Variants in ZNF354C observed in about 807,000 individuals in gnomAD.
ZNF354C encodes zinc finger protein 354C.
ZNF354C carries 7 observed loss-of-function variants against 12.4 expected under a neutral mutation model. The ratio of observed to expected loss-of-function variants is 0.56; its 90% CI spans 0.32 to 1.06. ZNF354C has a LOEUF of 1.06. ZNF354C is among the 50% of genes least tolerant of loss of function. ZNF354C has a pLI of 0.04. For synonymous variants in ZNF354C, 202 were observed against 224.5 expected (o/e 0.90, Z 0.90); for missense variants, 609 against 658.0 (o/e 0.93, Z 0.81).
chr5:179,062,189 T>C, intron 2 of ZNF354C, 94 bp downstream of exon 2: 1 of 1,542,012 alleles, frequency 6.5e-7, no homozygotes, highest in Middle Eastern at 1.7e-4. Flanking sequence ...TACTTTTTGG[T>C]CCAACCAAAA....
rs1189502062 is a variant in ZNF354C at position 179,078,745 on chromosome 5, A to G, written c.313A>G (p.Thr105Ala). The change falls in exon 5 of 5, where the codon ACA becomes GCA. Residue 105 changes from threonine (T) to alanine (A), a missense_variant. Thr to Ala is a moderately conservative substitution (Grantham distance 58). Transcript: ENST00000315475. Reference sequence around the variant, plus strand: ...TAGACAGGACATTTTTATAGAAGAAACATCTCAGGGAATGGTAAAGAAAGA... The same window carrying G: ...TAGACAGGACATTTTTATAGAAGAAGCATCTCAGGGAATGGTAAAGAAAGA... The part of the protein sequence containing the change: ...PHRQDIFIEE[T>A]SQGMVKKESI... 6.8e-6 allele frequency: 11 copies of G among 1,612,738 alleles called. No homozygotes were observed. In the Admixed American group the frequency reaches 1.3e-4, roughly 20 times the overall value.
At position 179,079,365 on chromosome 5, in the gene ZNF354C, G is replaced by A. The variant is rs199533630; in HGVS notation, c.933G>A (p.Gln311=). 1.5e-5 allele frequency: 24 copies of A among 1,614,102 alleles called. No homozygotes were observed. Among genetic ancestry groups the A allele is most frequent in the Middle Eastern group, 1.6e-4 (1 of 6,062 alleles). The change falls in exon 5 of 5, where the codon CAG becomes CAA. Residue 311 remains glutamine (Q), a synonymous_variant. Transcript: ENST00000315475. The surrounding 1 kb of genome is among the most constrained non-coding windows in gnomAD (Gnocchi z 4.2). ...RCRECGKAFS[Q]CSTLTVHQRI... ...GGGAATGTGGTAAAGCCTTTAGCCA[G>A]TGTTCAACCCTCACTGTACATCAGA...
At position 179,064,456 on chromosome 5, in the gene ZNF354C, G is replaced by A. The variant is rs1048684689; in HGVS notation, c.27+2361G>A. Reference sequence around the variant, plus strand: ...TTTGGAGACAGAGTCTTGCTCAGTCGCCCAGGCTGGAGTGCAGTGGCGCCA... The same window carrying A: ...TTTGGAGACAGAGTCTTGCTCAGTCACCCAGGCTGGAGTGCAGTGGCGCCA... On this transcript the variant is annotated intron_variant, in intron 2 of 4. Transcript: ENST00000315475. 4.0e-5 allele frequency among the ~76,000 whole-genome samples: 6 copies of A among 151,066 alleles called. 1 individual carries two copies. Among genetic ancestry groups the A allele is most frequent in the African/African-American group, 1.5e-4 (6 of 41,008 alleles).
rs1443789719 is a variant in ZNF354C at position 179,079,297 on chromosome 5, A to G, written c.865A>G (p.Lys289Glu). Reference protein sequence around the residue: ...KAFSNSSTLIKHLRVHTGEKP... With the variant: ...KAFSNSSTLIEHLRVHTGEKP... ...ATTTAGCAACAGTTCAACCCTTATC[A>G]AACATCTGAGAGTGCATACTGGAGA... The change falls in exon 5 of 5, where the codon AAA (lysine) becomes GAA (glutamate). Residue 289 changes from lysine to glutamate, a missense_variant. Coordinates refer to ENST00000315475, the MANE Select transcript of ZNF354C (RefSeq NM_014594.3). This position sits in a 1 kb window ranked among gnomAD's most constrained non-coding sequence, Gnocchi z 4.2. 1 of 1,614,072 alleles carries G rather than the reference A, an allele frequency of 6.2e-7. No individual in the cohort carries two copies. The highest frequency in any genetic ancestry group is 8.5e-7 in the Non-Finnish European group (1 of 1,180,044).
chr5:179,070,841 CTTTTTT>C (rs766817856), intron 2 of ZNF354C, among the ~76,000 whole-genome samples: 19 of 75,440 alleles, frequency 2.5e-4, no homozygotes, highest in South Asian at 1.1e-3. Context: ...CTTGATCGCT[CTTTTTT>C]TTTTTTTTTT....
In ZNF354C at chr5:179,080,114, T is replaced by G. The variant is rs186823799; in HGVS notation, c.*17T>G. 2.5e-4 allele frequency: 380 copies of G among 1,502,018 alleles called. No homozygotes were observed. In the African/African-American group the frequency reaches 4.8e-3, roughly 19 times the overall value. The allele number at this position is 1,502,018 out of a possible 1,614,324, so 93.0% of individuals were successfully genotyped here. ...GAGGTTTAGTTCATCTCTCAAATAA[T>G]CCAAGACTTCTCACTGGGGAATAAG... On this transcript the variant is annotated 3_prime_UTR_variant, in exon 5 of 5. Coordinates refer to ENST00000315475, the MANE Select transcript of ZNF354C (RefSeq NM_014594.3).
chr5:179,079,829 A>T lies in ZNF354C; in HGVS notation c.1397A>T (p.Lys466Ile). Residue 466 changes from lysine (K) to isoleucine (I), a missense_variant, in exon 5 of 5, where the codon AAA becomes ATA. Physicochemically the swap from Lys to Ile is moderately radical, Grantham distance 102. Transcript: ENST00000315475. The surrounding 1 kb of genome is among the most constrained non-coding windows in gnomAD (Gnocchi z 4.2). ...CATCAGAGAATTCATACTGGAGAGA[A>T]ACCGTATCAGTGTAATCAGTGTGGA... is the stretch of plus-strand genomic sequence containing the variant. ...YRHQRIHTGEKPYQCNQCGKA... is the reference protein window; with the variant it reads ...YRHQRIHTGEIPYQCNQCGKA... 1 of 1,614,170 alleles carries T rather than the reference A, an allele frequency of 6.2e-7. No individual in the cohort carries two copies. The highest frequency in any genetic ancestry group is 8.5e-7 in the Non-Finnish European group (1 of 1,180,024).
In ZNF354C at chr5:179,077,065, G is replaced by T; in HGVS notation, c.155-6G>T. ...GTTCAAACTTCATTTGCTTCCTCAT[G>T]AGCAGGGATTCCATTTTCAATGCCA... is the stretch of plus-strand genomic sequence containing the variant. On this transcript the variant is annotated splice_polypyrimidine_tract_variant and splice_region_variant and intron_variant, in intron 3 of 4. Coordinates refer to ENST00000315475, the MANE Select transcript of ZNF354C (RefSeq NM_014594.3). The T allele has an allele frequency of 6.2e-7, 1 of 1,613,594 alleles. No homozygotes were observed. Among genetic ancestry groups the T allele is most frequent in the Non-Finnish European group, 8.5e-7 (1 of 1,179,622 alleles).
rs750758189 is a variant in ZNF354C, at chr5:179,078,872, T to C, written c.440T>C (p.Ile147Thr). 1.9e-6 allele frequency: 3 copies of C among 1,613,958 alleles called. No individual in the cohort carries two copies. The highest frequency in any genetic ancestry group is 2.5e-6 in the Non-Finnish European group (3 of 1,179,998). ...GAGAAGAAACCTCTTAGACAAATGA[T>C]AGATTCGCATGAGAAAACCATCAGT... ...EQEKKPLRQM[I>T]DSHEKTISED... The change falls in exon 5 of 5, where the codon ATA (isoleucine) becomes ACA (threonine). Residue 147 changes from isoleucine (I) to threonine (T), a missense_variant. Transcript: ENST00000315475.
chr5:179,078,836 A>G lies in ZNF354C; in HGVS notation c.404A>G (p.Glu135Gly). The G allele has an allele frequency of 6.2e-7, 1 of 1,614,116 alleles. No homozygotes were observed. The highest frequency in any genetic ancestry group is 1.3e-5 in the African/African-American group (1 of 75,060). The change falls in exon 5 of 5, where the codon GAA becomes GGA. Residue 135 changes from glutamate to glycine, a missense_variant. Glu to Gly is a moderately conservative substitution (Grantham distance 98). Coordinates refer to ENST00000315475, the MANE Select transcript of ZNF354C (RefSeq NM_014594.3). Reference sequence around the variant, plus strand: ...GCTGTGGAATTTGAGAGCGAGATAGAAGAAGAGCAAGAGAAGAAACCTCTT... The same window carrying G: ...GCTGTGGAATTTGAGAGCGAGATAGGAGAAGAGCAAGAGAAGAAACCTCTT... The part of the protein sequence containing the change: ...EEAVEFESEI[E>G]EEQEKKPLRQ...
At chr5:179,077,576 G>T (rs929616152) in intron 4 of ZNF354C, among the ~76,000 whole-genome samples, 6 of 151,888 alleles carry the variant, frequency 4.0e-5, no homozygotes, top group Admixed American at 1.3e-4. Flanking sequence ...CTTATTAGAA[G>T]AAATGAATAT....
intron 2 of ZNF354C, among the ~76,000 whole-genome samples, chr5:179,067,712 G>A (rs1761976351): frequency 6.6e-6 from 1 of 152,170 alleles, no homozygotes; most frequent in Non-Finnish European, 1.5e-5. Flanking sequence ...GCTGGGTGTG[G>A]TGGCGCACGC....
chr5:179,068,959 C>G (rs1415504589), intron 2 of ZNF354C, among the ~76,000 whole-genome samples: 1 of 152,220 alleles, frequency 6.6e-6, no homozygotes, highest in East Asian at 1.9e-4. Flanking sequence ...ATCTCCCCTT[C>G]TTAGAAGCAC....
At chr5:179,061,321 GGTTGGT>G (rs748826602) in intron 1 of ZNF354C, among the ~76,000 whole-genome samples, 16 of 152,188 alleles carry the variant, frequency 1.1e-4, no homozygotes, top group Non-Finnish European at 1.6e-4. Context: ...TCCCACCTGG[GGTTGGT>G]GTTTGGGCAG....
chr5:179,076,640 G>C (rs1035226010), intron 3 of ZNF354C, 69 bp downstream of exon 3: 1 of 1,579,048 alleles, frequency 6.3e-7, no homozygotes, highest in Non-Finnish European at 8.6e-7. Context: ...TTGGGGTTCC[G>C]AGCCTGTGGT....
Position 179,079,112 on chromosome 5 carries a change from A to C in ZNF354C, c.680A>C (p.Gln227Pro). The change falls in exon 5 of 5, where the codon CAG (glutamine) becomes CCG (proline). Residue 227 changes from glutamine (Q) to proline (P), a missense_variant. Gln to Pro is a moderately conservative substitution (Grantham distance 76). Coordinates refer to ENST00000315475, the MANE Select transcript of ZNF354C (RefSeq NM_014594.3). This position sits in a 1 kb window ranked among gnomAD's most constrained non-coding sequence, Gnocchi z 4.2. Reference protein sequence around the residue: ...ICNECGKSFKQNLHLIEHQRI... With the variant: ...ICNECGKSFKPNLHLIEHQRI... Reference sequence around the variant, plus strand: ...AATGAATGTGGGAAGAGCTTCAAGCAGAATCTGCATCTTATTGAACATCAG... The same window carrying C: ...AATGAATGTGGGAAGAGCTTCAAGCCGAATCTGCATCTTATTGAACATCAG... The C allele has an allele frequency of 6.2e-7, 1 of 1,613,946 alleles. No individual in the cohort carries two copies. Among genetic ancestry groups the C allele is most frequent in the South Asian group, 1.1e-5 (1 of 91,080 alleles).
chr5:179,062,191 C>G, intron 2 of ZNF354C, 96 bp downstream of exon 2: 1 of 1,506,664 alleles, frequency 6.6e-7, no homozygotes, highest in Non-Finnish European at 9.2e-7. Context: ...CTTTTTGGTC[C>G]AACCAAAACG....
chr5:179,069,587 C>T (rs1168019376), intron 2 of ZNF354C, among the ~76,000 whole-genome samples: 1 of 140,976 alleles, frequency 7.1e-6, no homozygotes, highest in Non-Finnish European at 1.5e-5. Flanking sequence ...AAAGAAAGGC[C>T]GGGCACGGTG....
chr5:179,068,004 C>T (rs1409070198), intron 2 of ZNF354C, among the ~76,000 whole-genome samples: 1 of 152,020 alleles, frequency 6.6e-6, no homozygotes, highest in African/African-American at 2.4e-5. Context: ...TACAGAAAAA[C>T]AAGAGAATTA....
Sources: gnomAD v4.1 joint callset for allele counts (sites outside exome capture counted in the v4.1 genomes callset) on GRCh38, gnomAD v4.1.1 for gene constraint, Gnocchi (gnomAD v3.1) non-coding constraint, MANE v1.5 for transcripts, NCBI Gene and HGNC (gene_info 2026-07-23, HGNC 2026-07-21) for gene names.